DTHD1: variants seen among roughly 807,000 people sequenced by gnomAD.
DTHD1 encodes death domain-containing protein 1.
A neutral mutation model predicts 74.8 loss-of-function variants in DTHD1; 59 were observed. The ratio of observed to expected loss-of-function variants is 0.79; its 90% CI spans 0.64 to 0.98. The LOEUF (loss-of-function observed/expected upper bound fraction) is 0.98, where lower values mean the gene tolerates loss of function less well. Ranked by LOEUF, DTHD1 falls within the 50% of genes least tolerant of loss-of-function variation. The probability of loss-of-function intolerance (pLI) is 0.00; values close to 1 mark genes in which losing one functional copy is unlikely to be tolerated. For synonymous variants in DTHD1, 365 were observed against 371.1 expected (o/e 0.98, Z 0.19); for missense variants, 1,051 against 1,065.4 (o/e 0.99, Z 0.19).
At chr4:36,282,457 A>G (rs1257285212) in intron 1 of DTHD1, among the ~76,000 whole-genome samples, 1 of 152,196 alleles carries the variant, frequency 6.6e-6, no homozygotes, top group Admixed American at 6.5e-5. Context: ...ATCAGAATAT[A>G]GTATTCTATC....
chr4:36,343,220 A>T (rs773670383), intron 9 of DTHD1, among the ~76,000 whole-genome samples: 3 of 152,314 alleles, frequency 2.0e-5, no homozygotes, highest in Admixed American at 6.5e-5. Context: ...TGTAGAGCAG[A>T]GCGTAAAAAC....
chr4:36,290,460 C>A lies in DTHD1; in HGVS notation c.975C>A (p.Cys325Ter). 6.4e-7 allele frequency: 1 copy of A among 1,551,708 alleles called. No individual in the cohort carries two copies. Among genetic ancestry groups the A allele is most frequent in the South Asian group, 1.2e-5 (1 of 84,042 alleles). ...APSYVLQQLE[C>*]RIINHMSSLI... ...CATATGTTCTACAACAACTAGAATG[C>A]CGGATAATAAATCACATGAGTTCTT... Residue 325 changes from cysteine to a stop codon, truncating the protein, a stop_gained, in exon 3 of 10, where the codon TGC becomes TGA. Transcript: ENST00000639862. LOFTEE classifies it high-confidence loss of function.
intron 7 of DTHD1, among the ~76,000 whole-genome samples, chr4:36,309,264 C>T (rs556232399): frequency 6.6e-6 from 1 of 152,108 alleles, no homozygotes; most frequent in Non-Finnish European, 1.5e-5. Flanking sequence ...AGTGAAACCT[C>T]GTCTCTATTC....
chr4:36,343,565 C>G lies in DTHD1; in HGVS notation c.2462C>G (p.Ser821Cys), dbSNP rs1298420227. ...AEELSEENAE[S>C]LSSTLPLRRS... is the part of the protein sequence containing the mutation. ...GAGCTCTCAGAAGAAAATGCTGAGT[C>G]TCTTTCCTCAACTCTCCCTCTGCGC... Residue 821 changes from serine to cysteine, a missense_variant, in exon 10 of 10, where the codon TCT becomes TGT. Ser to Cys is a moderately radical substitution (Grantham distance 112). Coordinates refer to ENST00000639862, the MANE Select transcript of DTHD1 (RefSeq NM_001170700.3). 1 of 1,551,614 alleles carries G rather than the reference C, an allele frequency of 6.4e-7. No individual in the cohort carries two copies.
rs376161983 is a variant in DTHD1 at position 36,282,870 on chromosome 4, C to A, written c.271+841C>A. On this transcript the variant is annotated intron_variant, in intron 1 of 9. Transcript: ENST00000639862. The stretch of plus-strand genomic sequence containing the variant: ...CCATCAGCTGCAGCCCACAATGAGA[C>A]CTTTAGCCTCTGGAGGGAGTGGAAC... Among the ~76,000 whole-genome samples the A allele has an allele frequency of 8.5e-4, 129 of 152,214 alleles. 4 individuals carry two copies. In the South Asian group the frequency reaches 0.02, roughly 23 times the overall value.
Position 36,294,890 on chromosome 4 carries a change from G to A in DTHD1, c.1494G>A (p.Gln498=). The A allele has an allele frequency of 6.4e-7, 1 of 1,551,908 alleles. No homozygotes were observed. The highest frequency in any genetic ancestry group is 8.7e-7 in the Non-Finnish European group (1 of 1,146,814). ...VQSTSPLIHI[Q]HPSTYPFQKP... is the part of the protein sequence containing the mutation. The stretch of plus-strand genomic sequence containing the variant: ...CCACAAGCCCTCTGATTCACATTCA[G>A]CACCCATCAACTTATCCTTTTCAGA... The change falls in exon 5 of 10, where the codon CAG becomes CAA. Residue 498 remains glutamine, a synonymous_variant. Transcript: ENST00000639862.
At chr4:36,306,084 T>C in intron 5 of DTHD1, 107 bp from the exon 6 acceptor site, 2 of 1,071,518 alleles carry the variant, frequency 1.9e-6, no homozygotes, top group Non-Finnish European at 2.7e-6. Context: ...ACATAGTATG[T>C]ACTTAATGAA....
At chr4:36,330,376 A>G in intron 8 of DTHD1, among the ~76,000 whole-genome samples, 1 of 152,184 alleles carries the variant, frequency 6.6e-6, no homozygotes, top group East Asian at 1.9e-4. Context: ...GTCAGTTTAA[A>G]TGTCATATTT....
intron 7 of DTHD1, among the ~76,000 whole-genome samples, chr4:36,315,991 A>G (rs1019122375): frequency 6.6e-6 from 1 of 152,226 alleles, no homozygotes; most frequent in African/African-American, 2.4e-5. Flanking sequence ...GCTGGAGTGC[A>G]GTGGCGTGAT....
At chr4:36,284,823 C>A (rs992759812) in intron 2 of DTHD1, among the ~76,000 whole-genome samples, 1 of 152,142 alleles carries the variant, frequency 6.6e-6, no homozygotes, top group Non-Finnish European at 1.5e-5. Flanking sequence ...AAGGTGCCTT[C>A]TTGCTGTGTC....
intron 8 of DTHD1, among the ~76,000 whole-genome samples, chr4:36,322,119 A>AT (rs1476987726): frequency 6.6e-6 from 1 of 151,036 alleles, no homozygotes; most frequent in South Asian, 2.1e-4. Flanking sequence ...AATCTGCCCT[A>AT]TTTTTTCCCT....
At chr4:36,321,906 G>C (rs574165766) in intron 8 of DTHD1, among the ~76,000 whole-genome samples, 1 of 152,070 alleles carries the variant, frequency 6.6e-6, no homozygotes, top group Non-Finnish European at 1.5e-5. Flanking sequence ...TGAGTTTTTG[G>C]AATATGCCAC....
At chr4:36,287,178 C>T (rs900661476) in intron 2 of DTHD1, among the ~76,000 whole-genome samples, 1 of 152,090 alleles carries the variant, frequency 6.6e-6, no homozygotes, top group Non-Finnish European at 1.5e-5. Context: ...CATTTTTATG[C>T]CTTTGCATCC....
At chr4:36,307,648 G>A (rs544498562) in intron 6 of DTHD1, among the ~76,000 whole-genome samples, 13 of 152,214 alleles carry the variant, frequency 8.5e-5, no homozygotes, top group South Asian at 4.2e-4. Flanking sequence ...ACAGAGATGC[G>A]TATTTTAATC....
At chr4:36,295,674 T>A (rs1293994654) in intron 5 of DTHD1, among the ~76,000 whole-genome samples, 1 of 152,046 alleles carries the variant, frequency 6.6e-6, no homozygotes, top group African/African-American at 2.4e-5. Context: ...TACAGTTACC[T>A]GGAGAATATT....
At chr4:36,283,474 A>G (rs1351045563) in intron 1 of DTHD1, among the ~76,000 whole-genome samples, 1 of 152,236 alleles carries the variant, frequency 6.6e-6, no homozygotes, top group East Asian at 1.9e-4. Context: ...ACTAGGCTCC[A>G]AAACAAAGCA....
chr4:36,288,378 G>A (rs147521065), intron 2 of DTHD1, among the ~76,000 whole-genome samples: 2,157 of 152,274 alleles, frequency 0.014, 42 homozygotes, highest in African/African-American at 0.05. Context: ...GATTACAGGC[G>A]TGAGCCACTG....
chr4:36,313,814 G>T (rs1363053668), intron 7 of DTHD1, among the ~76,000 whole-genome samples: 1 of 152,128 alleles, frequency 6.6e-6, no homozygotes, highest in Non-Finnish European at 1.5e-5. Flanking sequence ...TGTCTTTCAA[G>T]GGATAGAAGG....
At chr4:36,342,165 G>A (rs960797177) in intron 9 of DTHD1, among the ~76,000 whole-genome samples, 1 of 152,184 alleles carries the variant, frequency 6.6e-6, no homozygotes, top group Non-Finnish European at 1.5e-5. Context: ...TGGATGGGAC[G>A]AGAAAAGCCT....
Sources: allele counts gnomAD v4.1 joint callset (sites outside exome capture counted in the v4.1 genomes callset), GRCh38; gene constraint gnomAD v4.1.1; transcripts MANE v1.5; gene names NCBI Gene and HGNC (gene_info 2026-07-23, HGNC 2026-07-21).